GALM: variants seen among roughly 807,000 people sequenced by gnomAD.
The protein encoded by GALM is galactose mutarotase, also known as aldose 1-epimerase.
GALM carries 43 observed loss-of-function variants against 37.4 expected under a neutral mutation model. The ratio of observed to expected loss-of-function variants is 1.15; its 90% CI spans 0.90 to 1.48. GALM has a LOEUF of 1.48. Among genes scored for constraint, GALM ranks in the 40% most tolerant of loss-of-function variants. The pLI, the probability that GALM is intolerant of heterozygous loss-of-function variation, is 0.00. For missense variants in GALM, 456 were observed against 419.1 expected, an observed-to-expected ratio of 1.09 and a Z score of -0.77; for synonymous variants, 199 against 170.6, an observed-to-expected ratio of 1.17 and a Z score of -1.30.
intron 4 of GALM, among the ~76,000 whole-genome samples, chr2:38,728,469 G>A (rs1015632501): frequency 2.0e-5 from 3 of 151,678 alleles, no homozygotes; most frequent in Non-Finnish European, 2.9e-5. Context: ...GGCCGAGGTG[G>A]GCAGATCACC....
chr2:38,707,463 T>C (rs1451670073), intron 4 of GALM, among the ~76,000 whole-genome samples: 1 of 152,102 alleles, frequency 6.6e-6, no homozygotes, highest in Non-Finnish European at 1.5e-5. Context: ...AAGAGGTGTC[T>C]AGAAGTCTTG....
chr2:38,666,758 A>C (rs898360802), intron 1 of GALM, among the ~76,000 whole-genome samples: 6 of 152,172 alleles, frequency 3.9e-5, no homozygotes, highest in African/African-American at 1.4e-4. Context: ...GGAAATTCAA[A>C]TACTTGCCTC....
rs1007627246 is a variant in GALM at position 38,675,906 on chromosome 2, T to A, written c.191-6T>A. On this transcript the variant is annotated splice_polypyrimidine_tract_variant and splice_region_variant and intron_variant, in intron 1 of 6. Transcript: ENST00000272252. The stretch of plus-strand genomic sequence containing the variant: ...TTAAAAGTGCTGTCATCCCTTGTCC[T>A]TGCAGGATACCTCCAAAAGCAGCCA... 1.2e-6 allele frequency: 2 copies of A among 1,613,826 alleles called. No individual in the cohort carries two copies. Among genetic ancestry groups the A allele is most frequent in the African/African-American group, 2.7e-5 (2 of 74,894 alleles).
At chr2:38,690,648 G>T (rs1422790604) in intron 4 of GALM, among the ~76,000 whole-genome samples, 2 of 152,124 alleles carry the variant, frequency 1.3e-5, no homozygotes, top group Non-Finnish European at 2.9e-5. Context: ...GCCCAGGCTG[G>T]TCTCAAACTC....
At chr2:38,677,182 C>G (rs938689015) in intron 2 of GALM, among the ~76,000 whole-genome samples, 2 of 152,224 alleles carry the variant, frequency 1.3e-5, no homozygotes, top group Non-Finnish European at 2.9e-5. Context: ...TGCTCTCTTA[C>G]TAGTCTAATT....
chr2:38,731,182 G>A (rs182169127), intron 5 of GALM, among the ~76,000 whole-genome samples: 21 of 152,000 alleles, frequency 1.4e-4, no homozygotes, highest in Middle Eastern at 3.4e-3. Context: ...AGCCAAGATC[G>A]CACCACTGCA....
intron 2 of GALM, among the ~76,000 whole-genome samples, chr2:38,680,660 T>C (rs1665372759): frequency 6.6e-6 from 1 of 151,938 alleles, no homozygotes; most frequent in Admixed American, 6.6e-5. Context: ...TTTTTTTTAA[T>C]ACTCTCAGCA....
At chr2:38,730,403 A>C (rs1666579637) in intron 5 of GALM, among the ~76,000 whole-genome samples, 1 of 152,058 alleles carries the variant, frequency 6.6e-6, no homozygotes, top group African/African-American at 2.4e-5. Flanking sequence ...AGTAGCTGGG[A>C]TAACAGGCAC....
At chr2:38,709,087 T>A (rs1428059807) in intron 4 of GALM, among the ~76,000 whole-genome samples, 2 of 152,166 alleles carry the variant, frequency 1.3e-5, no homozygotes, top group East Asian at 3.9e-4. Flanking sequence ...CAAGGAGTGT[T>A]ACTAAGGGTC....
chr2:38,698,503 C>T, intron 4 of GALM: 1 of 703,252 alleles, frequency 1.4e-6, no homozygotes, highest in Admixed American at 3.8e-5. Flanking sequence ...AGCAATTATT[C>T]TTAGCTACTT....
intron 4 of GALM, among the ~76,000 whole-genome samples, chr2:38,703,442 C>A (rs922834629): frequency 6.6e-6 from 1 of 151,872 alleles, no homozygotes; most frequent in African/African-American, 2.4e-5. Flanking sequence ...TGTGTGAGAA[C>A]TGGGATTCAG....
chr2:38,675,552 T>C (rs1266243747), intron 1 of GALM, among the ~76,000 whole-genome samples: 4 of 79,828 alleles, frequency 5.0e-5, no homozygotes, highest in Non-Finnish European at 9.0e-5. Flanking sequence ...TTTGTGTGTG[T>C]GTGTGTGTGT....
intron 4 of GALM, among the ~76,000 whole-genome samples, chr2:38,728,404 A>C (rs1283710669): frequency 1.3e-5 from 2 of 149,360 alleles, no homozygotes; most frequent in East Asian, 4.0e-4. Flanking sequence ...AAAAAAAAAA[A>C]CTTTTTTTTT....
At chr2:38,696,847 T>C (rs1225559402) in intron 4 of GALM, among the ~76,000 whole-genome samples, 1 of 137,328 alleles carries the variant, frequency 7.3e-6, no homozygotes, top group Non-Finnish European at 1.5e-5. Flanking sequence ...TGGAGTGCAG[T>C]GGCGCGATCT....
chr2:38,707,054 G>C (rs1200928665), intron 4 of GALM, among the ~76,000 whole-genome samples: 1 of 151,280 alleles, frequency 6.6e-6, no homozygotes, highest in Non-Finnish European at 1.5e-5. Context: ...TAGAGCAGCT[G>C]CTGGGCAGTA....
rs548035273 is a variant in GALM, at chr2:38,728,330, G to A, written c.635-1226G>A. Among the ~76,000 whole-genome samples, 10 of 152,004 alleles carry A rather than the reference G, an allele frequency of 6.6e-5. No individual in the cohort carries two copies. In the East Asian group the frequency reaches 1.9e-3, roughly 29 times the overall value. The stretch of plus-strand genomic sequence containing the variant: ...AATCACTTGAACCTGGGAGGCAGAG[G>A]TGGCAGTGAGCTGAGATTGTGCCAT... On this transcript the variant is annotated intron_variant, in intron 4 of 6. Coordinates refer to ENST00000272252, the MANE Select transcript of GALM (RefSeq NM_138801.3).
chr2:38,719,644 G>A (rs1260854392), intron 4 of GALM, among the ~76,000 whole-genome samples: 6 of 150,294 alleles, frequency 4.0e-5, no homozygotes, highest in African/African-American at 7.4e-5. Context: ...GTGTGGTGGC[G>A]GGCACCTATA....
In GALM at chr2:38,674,502, A is replaced by G. The variant is rs185071729; in HGVS notation, c.191-1410A>G. Among the ~76,000 whole-genome samples the G allele has an allele frequency of 1.2e-3, 182 of 152,304 alleles. 1 individual carries two copies. Among genetic ancestry groups the G allele is most frequent in the African/African-American group, 4.3e-3 (177 of 41,584 alleles). ...CGCGCCTGGACACAACTTTTAAAGT[A>G]TAAGTATGTCCCATGTATAATAATA... On this transcript the variant is annotated intron_variant, in intron 1 of 6. Coordinates refer to ENST00000272252, the MANE Select transcript of GALM (RefSeq NM_138801.3).
In GALM at chr2:38,686,231, T is replaced by TCCTTCCTTCCTTC. The variant is rs201438260; in HGVS notation, c.553-3581_553-3580insCTTCCTTCCTTCC. Among the ~76,000 whole-genome samples the TCCTTCCTTCCTTC allele has an allele frequency of 5.2e-4, 17 of 32,894 alleles. No individual in the cohort carries two copies. In the East Asian group the frequency reaches 0.011, roughly 21 times the overall value. The allele number at this position is 32,894 out of a possible 152,430, so 21.6% of individuals were successfully genotyped here. ...CACAGAAAGTGGAAATTTCTTTCTT[T>TCCTTCCTTCCTTC]CTTTCTTTCTTTCTTTCTTTCTTTC... On this transcript the variant is annotated intron_variant, in intron 3 of 6. Coordinates refer to ENST00000272252, the MANE Select transcript of GALM (RefSeq NM_138801.3).
Sources: gnomAD v4.1 joint callset for allele counts (sites outside exome capture counted in the v4.1 genomes callset) on GRCh38, gnomAD v4.1.1 for gene constraint, MANE v1.5 for transcripts, NCBI Gene and HGNC (gene_info 2026-07-23, HGNC 2026-07-21) for gene names.